KIF11: variants seen among roughly 807,000 people sequenced by gnomAD.
KIF11 encodes kinesin family member 11, also known as kinesin-like protein KIF11.
KIF11 carries 9 observed loss-of-function variants against 121.0 expected under a neutral mutation model. The observed-to-expected ratio is 0.07, with a 90% confidence interval of 0.04 to 0.13. The LOEUF is 0.13. Among genes scored for constraint, KIF11 ranks in the 10% least tolerant of loss-of-function variants. KIF11 has a pLI of 1.00. For synonymous variants in KIF11, 408 were observed against 421.0 expected (o/e 0.97, Z 0.38); for missense variants, 846 against 1,217.5 (o/e 0.69, Z 4.54).
At chr10:92,637,826 AC>A (rs1369392148) in intron 16 of KIF11, among the ~76,000 whole-genome samples, 1 of 152,202 alleles carries the variant, frequency 6.6e-6, no homozygotes, top group Admixed American at 6.5e-5. Flanking sequence ...GGAAAAACAT[AC>A]CTTTAGAGAA....
chr10:92,606,146 C>T (rs1311150632), intron 1 of KIF11, 119 bp from the exon 2 acceptor site: 2 of 792,846 alleles, frequency 2.5e-6, no homozygotes, highest in East Asian at 5.3e-5. Context: ...ATTTAATCTC[C>T]ATCACCAACA....
rs1213107215 is a variant in KIF11 at position 92,630,216 on chromosome 10, A to G, written c.1346A>G (p.Gln449Arg). The G allele has an allele frequency of 1.3e-6, 2 of 1,589,378 alleles. No homozygotes were observed. The highest frequency in any genetic ancestry group is 1.7e-6 in the Non-Finnish European group (2 of 1,170,964). Residue 449 changes from glutamine to arginine, a missense_variant, in exon 12 of 22, where the codon CAG becomes CGG. Around this residue, in one of 5 missense-constraint regions of KIF11, gnomAD observed 95 missense variants for 109.3 expected, o/e 0.87. Coordinates refer to ENST00000260731, the MANE Select transcript of KIF11 (RefSeq NM_004523.4). ...ATGGATAATAAAAATGAACTTGACC[A>G]GTGTAAATCTGACCTGCAAAATAAA... ...LFMDNKNELD[Q>R]CKSDLQNKTQ...
chr10:92,630,149 C>A (rs1844720663), intron 11 of KIF11, 27 bp from the exon 12 acceptor site: 1 of 1,184,136 alleles, frequency 8.4e-7, no homozygotes, highest in South Asian at 1.7e-5. Flanking sequence ...CCAGCCAGCT[C>A]AGCGTTTTTT....
chr10:92,617,589 C>T (rs187676908), intron 9 of KIF11, among the ~76,000 whole-genome samples: 46 of 152,182 alleles, frequency 3.0e-4, no homozygotes, highest in Middle Eastern at 3.4e-3. Flanking sequence ...GAAACTTTTC[C>T]ATGTAGCTGT....
At position 92,654,045 on chromosome 10, in the gene KIF11, A is replaced by G; in HGVS notation, c.*249A>G. 4 of 300,550 alleles carry G rather than the reference A, an allele frequency of 1.3e-5. No individual in the cohort carries two copies. The highest frequency in any genetic ancestry group is 1.9e-5 in the Non-Finnish European group (3 of 156,346). 18.6% of individuals were successfully genotyped at this position (300,550 alleles called of 1,614,324 possible). A position where few individuals can be genotyped will look rare whatever the true frequency, so the allele number is the denominator to read the frequency against. ...TTAAAAATTAGCCGGGCGTGGTGGC[A>G]CACTCCTGTAATCCCAGCTACTGGG... On this transcript the variant is annotated 3_prime_UTR_variant, in exon 22 of 22. Transcript: ENST00000260731.
intron 18 of KIF11, among the ~76,000 whole-genome samples, chr10:92,646,025 C>T (rs936105525): frequency 1.8e-4 from 26 of 148,468 alleles, no homozygotes; most frequent in African/African-American, 5.5e-4. Context: ...GATCTCAGCT[C>T]ACTGCAACCT....
At chr10:92,622,260 G>A (rs1844626245) in intron 10 of KIF11, among the ~76,000 whole-genome samples, 1 of 151,940 alleles carries the variant, frequency 6.6e-6, no homozygotes. Context: ...GGCAACAAGA[G>A]TGAAACTCTG....
At chr10:92,596,354 G>A (rs948225798) in intron 1 of KIF11, among the ~76,000 whole-genome samples, 17 of 152,108 alleles carry the variant, frequency 1.1e-4, no homozygotes, top group Non-Finnish European at 1.5e-5. Flanking sequence ...TATGAATATG[G>A]GTTTTCAATT....
At chr10:92,643,163 T>C (rs1251404928) in intron 17 of KIF11, among the ~76,000 whole-genome samples, 1 of 152,124 alleles carries the variant, frequency 6.6e-6, no homozygotes, top group Non-Finnish European at 1.5e-5. Context: ...TTACCTGCCC[T>C]GGCCTCCCAA....
chr10:92,604,936 A>G (rs868443699), intron 1 of KIF11, among the ~76,000 whole-genome samples: 24 of 152,266 alleles, frequency 1.6e-4, no homozygotes, highest in Middle Eastern at 3.4e-3. Context: ...TGTGCTAAGC[A>G]TGGTAGTTGT....
intron 1 of KIF11, chr10:92,597,061 AGTT>A (rs1479234815): frequency 2.6e-6 from 1 of 378,394 alleles, no homozygotes; most frequent in Non-Finnish European, 5.3e-6. Context: ...GTATCTGAGA[AGTT>A]GTTCTTTCTT....
intron 19 of KIF11, among the ~76,000 whole-genome samples, chr10:92,648,825 C>T (rs1386923825): frequency 6.6e-6 from 1 of 152,184 alleles, no homozygotes; most frequent in African/African-American, 2.4e-5. Flanking sequence ...CTCATTTTGT[C>T]ATAGACTATT....
chr10:92,617,386 T>G (rs1001234102), intron 9 of KIF11, among the ~76,000 whole-genome samples: 1 of 152,240 alleles, frequency 6.6e-6, no homozygotes, highest in Non-Finnish European at 1.5e-5. Flanking sequence ...ACTTATAACA[T>G]GTATCAGTAG....
chr10:92,646,543 G>A (rs1844922100), intron 18 of KIF11, among the ~76,000 whole-genome samples: 1 of 152,134 alleles, frequency 6.6e-6, no homozygotes, highest in African/African-American at 2.4e-5. Flanking sequence ...TTTGTGATAG[G>A]AAATGTATAA....
chr10:92,652,018 C>T (rs1488420423), intron 21 of KIF11, among the ~76,000 whole-genome samples: 1 of 142,874 alleles, frequency 7.0e-6, no homozygotes, highest in Non-Finnish European at 1.5e-5. Context: ...GCTATGTTGG[C>T]CAGACTGGTC....
intron 21 of KIF11, among the ~76,000 whole-genome samples, chr10:92,651,502 ATTTTGTTTTTTTTTTTTTTTTTTTTTTTT>A (rs1844980071): frequency 9.3e-5 from 2 of 21,554 alleles, no homozygotes; most frequent in Admixed American, 6.4e-4. Flanking sequence ...TGCCTGGCTA[ATTTTGTTTTTTTTTTTTTTTTTTTTTTTT>A]TTTTTTTTTT....
At chr10:92,625,100 G>A (rs1483539928) in intron 10 of KIF11, among the ~76,000 whole-genome samples, 2 of 151,850 alleles carry the variant, frequency 1.3e-5, no homozygotes, top group African/African-American at 4.8e-5. Context: ...TTGAGAAGTC[G>A]CCAAACTACT....
chr10:92,606,135 G>C (rs994116516), intron 1 of KIF11, 130 bp from the exon 2 acceptor site: 15 of 703,534 alleles, frequency 2.1e-5, no homozygotes, highest in Non-Finnish European at 2.7e-5. Context: ...ACTTAGTCCT[G>C]ATTTAATCTC....
intron 19 of KIF11, among the ~76,000 whole-genome samples, chr10:92,649,574 A>G (rs1291870665): frequency 6.6e-6 from 1 of 152,158 alleles, no homozygotes; most frequent in Non-Finnish European, 1.5e-5. Flanking sequence ...CTTATAACAC[A>G]TCTTTTATAT....
Sources: gnomAD v4.1 joint callset for allele counts (sites outside exome capture counted in the v4.1 genomes callset) on GRCh38, gnomAD v4.1.1 for gene constraint, gnomAD v4.1.1 regional missense constraint, MANE v1.5 for transcripts, NCBI Gene and HGNC (gene_info 2026-07-23, HGNC 2026-07-21) for gene names.